The following KCNT2 variants were observed in gnomAD, a reference collection of about 807,000 sequenced individuals.
KCNT2 encodes potassium sodium-activated channel subfamily T member 2, also known as potassium channel subfamily T member 2.
In KCNT2, 67 loss-of-function variants were observed where a neutral mutation model predicts 153.8. The observed-to-expected ratio is 0.44, with a 90% CI of 0.36 to 0.53. KCNT2 has a LOEUF of 0.53. Among genes scored for constraint, KCNT2 ranks in the 20% least tolerant of loss-of-function variants. The pLI, the probability that KCNT2 is intolerant of heterozygous loss-of-function variation, is 0.00. For synonymous variants in KCNT2, 500 were observed against 458.8 expected, an observed-to-expected ratio of 1.09 and a Z score of -1.15; for missense variants, 975 against 1,354.8, an observed-to-expected ratio of 0.72 and a Z score of 4.40.
intron 8 of KCNT2, among the ~76,000 whole-genome samples, chr1:196,440,622 T>C (rs1306156684): frequency 6.6e-6 from 1 of 152,000 alleles, no homozygotes; most frequent in African/African-American, 2.4e-5. Flanking sequence ...GTAACTTTTA[T>C]CTTTGTCTAT....
intron 8 of KCNT2, among the ~76,000 whole-genome samples, chr1:196,458,659 A>C (rs963006074): frequency 2.0e-5 from 3 of 151,946 alleles, no homozygotes; most frequent in South Asian, 2.1e-4. Flanking sequence ...ATTTGGCAGT[A>C]CAAATTTTTC....
chr1:196,470,127 G>T (rs1677960253), intron 5 of KCNT2, among the ~76,000 whole-genome samples: 2 of 152,150 alleles, frequency 1.3e-5, no homozygotes, highest in Non-Finnish European at 2.9e-5. Flanking sequence ...AACAGTAAAG[G>T]AGTGGGAAGT....
chr1:196,437,351 AATATATTTTTATTTAT>A (rs1245817594), intron 8 of KCNT2, among the ~76,000 whole-genome samples: 72 of 137,148 alleles, frequency 5.2e-4, no homozygotes, highest in African/African-American at 1.5e-3. Flanking sequence ...TATTTTTATT[AATATATTTTTATTTAT>A]ATATATTTTT....
chr1:196,491,903 G>T (rs1490437045), intron 2 of KCNT2, among the ~76,000 whole-genome samples: 3 of 152,000 alleles, frequency 2.0e-5, no homozygotes, highest in Non-Finnish European at 4.4e-5. Context: ...ATTGTGGTCT[G>T]TCAGAGCTTT....
chr1:196,267,882 C>G (rs1465188235), intron 25 of KCNT2, among the ~76,000 whole-genome samples: 2 of 152,226 alleles, frequency 1.3e-5, no homozygotes, highest in Admixed American at 6.5e-5. Flanking sequence ...ATCCTCAGCC[C>G]CTTGTCATAT....
At chr1:196,400,995 G>A (rs1157858523) in intron 12 of KCNT2, among the ~76,000 whole-genome samples, 2 of 151,796 alleles carry the variant, frequency 1.3e-5, no homozygotes, top group Non-Finnish European at 2.9e-5. Flanking sequence ...ACAAGCGAAT[G>A]GAGCCTGGAA....
chr1:196,342,323 G>GT (rs1169291263), intron 14 of KCNT2, 95 bp from the exon 15 acceptor site: 1 of 1,039,098 alleles, frequency 9.6e-7, no homozygotes, highest in African/African-American at 1.6e-5. Flanking sequence ...TCTCAACTGT[G>GT]TAAGAACTGG....
At chr1:196,564,173 C>T (rs936405156) in intron 1 of KCNT2, among the ~76,000 whole-genome samples, 1 of 151,700 alleles carries the variant, frequency 6.6e-6, no homozygotes, top group African/African-American at 2.4e-5. Flanking sequence ...AGTGGAGTTG[C>T]AGGATACAAA....
At chr1:196,353,713 A>G (rs1423387042) in intron 14 of KCNT2, among the ~76,000 whole-genome samples, 1 of 152,006 alleles carries the variant, frequency 6.6e-6, no homozygotes, top group Non-Finnish European at 1.5e-5. Context: ...TTAGTCTACT[A>G]TACTTCAAAA....
At chr1:196,546,601 T>C (rs1657134173) in intron 1 of KCNT2, among the ~76,000 whole-genome samples, 1 of 151,912 alleles carries the variant, frequency 6.6e-6, no homozygotes, top group Non-Finnish European at 1.5e-5. Flanking sequence ...AAAGCAACAG[T>C]AGTATAAAAG....
At chr1:196,360,900 C>A (rs1667561345) in intron 14 of KCNT2, among the ~76,000 whole-genome samples, 2 of 151,912 alleles carry the variant, frequency 1.3e-5, no homozygotes. Flanking sequence ...TAAGTTAGAG[C>A]AGAATAGTGC....
rs185961417 is a variant in KCNT2 at position 196,433,717 on chromosome 1, T to C, written c.639-3960A>G. On this transcript the variant is annotated intron_variant, in intron 8 of 27. Coordinates refer to ENST00000294725, the MANE Select transcript of KCNT2 (RefSeq NM_198503.5). The stretch of plus-strand genomic sequence containing the variant: ...ACCATGAAGAAATAAATATTCAATG[T>C]TTACTTTCCAGAAGTTCCTTTTCCG... Among the ~76,000 whole-genome samples the C allele has an allele frequency of 5.9e-5, 9 of 152,208 alleles. No individual in the cohort carries two copies. In the East Asian group the frequency reaches 1.4e-3, roughly 23 times the overall value.
At chr1:196,511,801 G>A (rs553435691) in intron 1 of KCNT2, among the ~76,000 whole-genome samples, 1 of 152,164 alleles carries the variant, frequency 6.6e-6, no homozygotes, top group Admixed American at 6.5e-5. Context: ...TTGGAATAAG[G>A]TCCACCCTAA....
intron 19 of KCNT2, 89 bp downstream of exon 19, chr1:196,326,628 C>G: frequency 1.5e-6 from 1 of 666,572 alleles, no homozygotes; most frequent in Non-Finnish European, 2.4e-6. Context: ...TAAAATACTA[C>G]CAGAATATTA....
At chr1:196,384,441 T>C (rs1320134231) in intron 13 of KCNT2, among the ~76,000 whole-genome samples, 3 of 152,060 alleles carry the variant, frequency 2.0e-5, no homozygotes, top group African/African-American at 4.8e-5. Context: ...CCTGTAATCT[T>C]AGCACTTTTG....
chr1:196,247,916 A>G (rs991138860), intron 26 of KCNT2, among the ~76,000 whole-genome samples: 11 of 152,192 alleles, frequency 7.2e-5, no homozygotes, highest in African/African-American at 2.7e-4. Context: ...ACAAGACTTC[A>G]TAATTTATTT....
chr1:196,250,689 C>A (rs1655885050), intron 26 of KCNT2, among the ~76,000 whole-genome samples: 1 of 151,900 alleles, frequency 6.6e-6, no homozygotes, highest in South Asian at 2.1e-4. Flanking sequence ...AGTTACAACC[C>A]ACAATATGGG....
intron 1 of KCNT2, among the ~76,000 whole-genome samples, chr1:196,524,351 C>A (rs1038315093): frequency 6.0e-5 from 9 of 150,506 alleles, no homozygotes; most frequent in African/African-American, 2.2e-4. Flanking sequence ...CAAAGGTCCA[C>A]GGACTGAGAA....
chr1:196,480,779 C>T (rs1243976920), intron 4 of KCNT2, among the ~76,000 whole-genome samples: 2 of 144,844 alleles, frequency 1.4e-5, no homozygotes, highest in African/African-American at 5.1e-5. Context: ...TGGCGTGAAC[C>T]CAGGAGGCGG....
Sources: gnomAD v4.1 joint callset for allele counts (sites outside exome capture counted in the v4.1 genomes callset) on GRCh38, gnomAD v4.1.1 for gene constraint, MANE v1.5 for transcripts, NCBI Gene and HGNC (gene_info 2026-07-23, HGNC 2026-07-21) for gene names.